Variants in GPBP1L1 observed in about 807,000 individuals in gnomAD.
GPBP1L1 encodes the protein GC-rich promoter binding protein 1 like 1.
In GPBP1L1, 23 loss-of-function variants were observed where a neutral mutation model predicts 52.5. The ratio of observed to expected loss-of-function variants is 0.44; its 90% confidence interval spans 0.32 to 0.62. The LOEUF (loss-of-function observed/expected upper bound fraction) is 0.62. Ranked by LOEUF, GPBP1L1 falls within the 20% of genes least tolerant of loss-of-function variation. The pLI, the probability that GPBP1L1 is intolerant of heterozygous loss-of-function variation, is 0.06. For synonymous variants in GPBP1L1, 243 were observed against 203.1 expected, an observed-to-expected ratio of 1.20 and a Z score of -1.67; for missense variants, 596 against 579.3, an observed-to-expected ratio of 1.03 and a Z score of -0.30.
intron 7 of GPBP1L1, among the ~76,000 whole-genome samples, chr1:45,641,022 C>A (rs1644664837): frequency 6.6e-6 from 1 of 151,420 alleles, no homozygotes; most frequent in Non-Finnish European, 1.5e-5. Flanking sequence ...CTCAAAAAAA[C>A]AAAAACAAAA....
At chr1:45,645,600 A>G (rs1166516002) in intron 6 of GPBP1L1, among the ~76,000 whole-genome samples, 2 of 152,188 alleles carry the variant, frequency 1.3e-5, no homozygotes, top group Admixed American at 1.3e-4. Context: ...TCATATAACT[A>G]TCACATGCTA....
intron 6 of GPBP1L1, chr1:45,645,813 T>A: frequency 4.5e-6 from 2 of 447,576 alleles, no homozygotes; most frequent in Admixed American, 2.9e-5. Flanking sequence ...ATGTATTGCA[T>A]CCCTAGAAAC....
intron 9 of GPBP1L1, 166 bp from the exon 10 acceptor site, chr1:45,633,813 A>T: frequency 1.3e-6 from 1 of 767,996 alleles, no homozygotes; most frequent in East Asian, 2.7e-5. Flanking sequence ...TGCAGGGTTT[A>T]TATAGTTAAG....
At chr1:45,667,106 C>A (rs1355217054) in intron 2 of GPBP1L1, among the ~76,000 whole-genome samples, 5 of 152,148 alleles carry the variant, frequency 3.3e-5, no homozygotes, top group African/African-American at 1.2e-4. Flanking sequence ...GGTTCTGGAA[C>A]TACATAGTGG....
chr1:45,629,562 G>A lies in GPBP1L1; in HGVS notation c.1272+14C>T, dbSNP rs1174825852. ...GTTACTAACTGGTCTCTAGGAAGAA[G>A]GTTTACAACATACCTGCTCTGTCTT... On this transcript the variant is annotated intron_variant, in intron 12 of 12. Transcript: ENST00000355105. 6.7e-7 allele frequency: 1 copy of A among 1,493,254 alleles called. No individual in the cohort carries two copies. The highest frequency in any genetic ancestry group is 1.4e-5 in the African/African-American group (1 of 71,214). The allele number at this position is 1,493,254 out of a possible 1,614,324, so 92.5% of individuals were successfully genotyped here.
At chr1:45,638,742 C>T (rs1484974903) in intron 8 of GPBP1L1, among the ~76,000 whole-genome samples, 1 of 152,088 alleles carries the variant, frequency 6.6e-6, no homozygotes, top group East Asian at 1.9e-4. Context: ...AAGTTCGAGA[C>T]CAGCCTGGGC....
rs1201556369 is a variant in GPBP1L1 at position 45,685,601 on chromosome 1, A to T, written c.-1123T>A. 6.6e-6 allele frequency: 1 copy of T among 152,250 alleles called. No homozygotes were observed. The highest frequency in any genetic ancestry group is 1.5e-5 in the Non-Finnish European group (1 of 68,040). The allele number at this position is 152,250 out of a possible 1,614,324, so 9.4% of individuals were successfully genotyped here. A position where few individuals can be genotyped will look rare whatever the true frequency, so the allele number is the denominator to read the frequency against. ...CTTTGTTTTCACCCAGCATAAGGAGAGTTAAAGGTGAGACACCAACTGCAA... is the reference window on the plus strand; with the variant it reads ...CTTTGTTTTCACCCAGCATAAGGAGTGTTAAAGGTGAGACACCAACTGCAA... On this transcript the variant is annotated 5_prime_UTR_variant, in exon 2 of 13. Coordinates refer to ENST00000355105, the MANE Select transcript of GPBP1L1 (RefSeq NM_021639.5).
intron 4 of GPBP1L1, 116 bp from the exon 5 acceptor site, chr1:45,655,435 CAT>C: frequency 8.4e-7 from 1 of 1,191,964 alleles, no homozygotes; most frequent in Non-Finnish European, 1.2e-6. Context: ...GATAGAAACT[CAT>C]ATTGTAAGCA....
chr1:45,668,931 C>T (rs555897346), intron 2 of GPBP1L1, among the ~76,000 whole-genome samples: 4 of 152,106 alleles, frequency 2.6e-5, no homozygotes, highest in Admixed American at 1.3e-4. Context: ...TGTACTACTG[C>T]GCTCCAGTCT....
At chr1:45,684,540 A>C (rs1412749286) in intron 2 of GPBP1L1, among the ~76,000 whole-genome samples, 1 of 152,168 alleles carries the variant, frequency 6.6e-6, no homozygotes, top group Non-Finnish European at 1.5e-5. Context: ...GCCACTGATG[A>C]GCAATCTAGT....
chr1:45,655,791 A>G (rs1644878304), intron 4 of GPBP1L1: 2 of 154,406 alleles, frequency 1.3e-5, no homozygotes, highest in South Asian at 2.0e-4. Flanking sequence ...AAAAAAAAAG[A>G]GATGAAGTCT....
chr1:45,680,583 C>T (rs1001844803), intron 2 of GPBP1L1, among the ~76,000 whole-genome samples: 1 of 152,082 alleles, frequency 6.6e-6, no homozygotes, highest in South Asian at 2.1e-4. Context: ...AAAAGCATCT[C>T]TAAAAATCTC....
At chr1:45,682,548 CTATTAAG>C (rs1230198643) in intron 2 of GPBP1L1, among the ~76,000 whole-genome samples, 1 of 152,166 alleles carries the variant, frequency 6.6e-6, no homozygotes, top group East Asian at 1.9e-4. Context: ...TATCCTCCAA[CTATTAAG>C]TATTATCTGT....
chr1:45,629,729 A>C (rs1391489995), intron 11 of GPBP1L1, 51 bp from the exon 12 acceptor site: 1 of 1,173,930 alleles, frequency 8.5e-7, no homozygotes, highest in East Asian at 2.3e-5. Context: ...ACTAAGCCTA[A>C]GTGAACAGCC....
In GPBP1L1 at chr1:45,640,279, G is replaced by A; in HGVS notation, c.675C>T (p.Asn225=). 2 of 1,614,140 alleles carry A rather than the reference G, an allele frequency of 1.2e-6. No individual in the cohort carries two copies. Among genetic ancestry groups the A allele is most frequent in the South Asian group, 1.1e-5 (1 of 91,082 alleles). The change falls in exon 8 of 13, where the codon AAC becomes AAT. Residue 225 remains asparagine, a synonymous_variant. Transcript: ENST00000355105. ...TSPGSHHANG[N]KLSSVVPSVY... is the part of the protein sequence containing the mutation. Reference sequence around the variant, plus strand: ...CACTTGGAACCACGGATGACAATTTGTTCCCATTTGCATGGTGAGATCCTG... The same window carrying A: ...CACTTGGAACCACGGATGACAATTTATTCCCATTTGCATGGTGAGATCCTG...
intron 2 of GPBP1L1, among the ~76,000 whole-genome samples, chr1:45,676,165 A>G (rs1645136687): frequency 6.6e-6 from 1 of 152,190 alleles, no homozygotes; most frequent in African/African-American, 2.4e-5. Flanking sequence ...CTTTAGTACT[A>G]CTTATTTTAT....
At chr1:45,676,372 G>A (rs564299045) in intron 2 of GPBP1L1, among the ~76,000 whole-genome samples, 1 of 152,114 alleles carries the variant, frequency 6.6e-6, no homozygotes, top group Admixed American at 6.5e-5. Context: ...AGGCCAGGGT[G>A]AGCAGACTGC....
intron 6 of GPBP1L1, among the ~76,000 whole-genome samples, chr1:45,648,898 C>T (rs912179385): frequency 4.6e-5 from 7 of 152,214 alleles, no homozygotes; most frequent in South Asian, 2.1e-4. Context: ...CGTAGGGGTG[C>T]GCATGCCTGT....
intron 2 of GPBP1L1, among the ~76,000 whole-genome samples, chr1:45,672,435 TG>T (rs1026468190): frequency 1.7e-4 from 26 of 152,230 alleles, no homozygotes; most frequent in African/African-American, 5.5e-4. Context: ...TGTTTACTGC[TG>T]GCATAAATTA....
Sources: allele counts gnomAD v4.1 joint callset (sites outside exome capture counted in the v4.1 genomes callset), GRCh38; gene constraint gnomAD v4.1.1; transcripts MANE v1.5; gene names NCBI Gene and HGNC (gene_info 2026-07-23, HGNC 2026-07-21).